FRMD4A: variants seen among roughly 807,000 people sequenced by gnomAD.
FRMD4A encodes FERM domain-containing protein 4A.
A neutral mutation model predicts 129.1 loss-of-function variants in FRMD4A; 29 were observed. The observed-to-expected ratio is 0.22, with a 90% CI of 0.17 to 0.31. FRMD4A has a LOEUF of 0.31. FRMD4A is among the 10% of genes least tolerant of loss of function. The probability of loss-of-function intolerance (pLI) is 1.00; values close to 1 mark genes in which losing one functional copy is unlikely to be tolerated. For synonymous variants in FRMD4A, 634 were observed against 571.6 expected (o/e 1.11, Z -1.56); for missense variants, 1,272 against 1,375.8 (o/e 0.92, Z 1.19).
chr10:13,910,012 AGC>A (rs2094925232), intron 2 of FRMD4A, among the ~76,000 whole-genome samples: 1 of 152,274 alleles, frequency 6.6e-6, no homozygotes, highest in Admixed American at 6.5e-5. Flanking sequence ...ATTCTTGGAC[AGC>A]CATGAAATAT....
chr10:14,228,697 G>A (rs1380143924), intron 2 of FRMD4A, among the ~76,000 whole-genome samples: 1 of 151,804 alleles, frequency 6.6e-6, no homozygotes, highest in Admixed American at 6.6e-5. Context: ...CACGCATCTG[G>A]AGTAATTGAG....
At chr10:13,889,011 T>C (rs191697975) in intron 2 of FRMD4A, among the ~76,000 whole-genome samples, 61 of 152,360 alleles carry the variant, frequency 4.0e-4, no homozygotes, top group Admixed American at 8.5e-4. Context: ...GGTAAGTATA[T>C]GGCTTGCTGG....
chr10:14,158,285 T>G (rs1840700465), intron 2 of FRMD4A, among the ~76,000 whole-genome samples: 1 of 152,156 alleles, frequency 6.6e-6, no homozygotes, highest in South Asian at 2.1e-4. Flanking sequence ...ATGAGAAACT[T>G]GGCTAGGAGA....
intron 4 of FRMD4A, 78 bp from the exon 5 acceptor site, chr10:13,796,666 C>T (rs2093125742): frequency 7.9e-6 from 6 of 759,404 alleles, no homozygotes; most frequent in Non-Finnish European, 9.6e-6. Context: ...ATATATGAAG[C>T]AGAACGTGCT....
At chr10:14,183,136 CTGA>C (rs776937959) in intron 2 of FRMD4A, among the ~76,000 whole-genome samples, 1 of 152,170 alleles carries the variant, frequency 6.6e-6, no homozygotes, top group Non-Finnish European at 1.5e-5. Context: ...TTACAGAGTG[CTGA>C]TAAGTGATCT....
chr10:13,844,545 A>G (rs751386582), intron 3 of FRMD4A, among the ~76,000 whole-genome samples: 2 of 152,192 alleles, frequency 1.3e-5, no homozygotes, highest in Non-Finnish European at 2.9e-5. Context: ...ACTTTATTGT[A>G]GTAACATATC....
At chr10:14,062,267 G>A (rs1032923085) in intron 2 of FRMD4A, among the ~76,000 whole-genome samples, 2 of 152,156 alleles carry the variant, frequency 1.3e-5, no homozygotes, top group Non-Finnish European at 2.9e-5. Context: ...ATCGTTTAGG[G>A]GGAAAAAGAA....
chr10:13,916,641 T>C (rs1456347168), intron 2 of FRMD4A, among the ~76,000 whole-genome samples: 1 of 152,184 alleles, frequency 6.6e-6, no homozygotes, highest in Non-Finnish European at 1.5e-5. Flanking sequence ...AGAGCTAGAA[T>C]TCAAATCTCT....
intron 12 of FRMD4A, among the ~76,000 whole-genome samples, chr10:13,720,872 C>T (rs36084264): frequency 0.17 from 25,231 of 152,054 alleles, 2,680 homozygotes; most frequent in Non-Finnish European, 0.22. Context: ...CATCAAAGGA[C>T]GATAGAATAT....
At chr10:13,829,383 G>A (rs1307640190) in intron 3 of FRMD4A, among the ~76,000 whole-genome samples, 1 of 151,992 alleles carries the variant, frequency 6.6e-6, no homozygotes, top group Non-Finnish European at 1.5e-5. Flanking sequence ...AAATTAGCTG[G>A]GTGTGGTGCC....
intron 2 of FRMD4A, among the ~76,000 whole-genome samples, chr10:14,255,733 C>A (rs1006082862): frequency 6.6e-6 from 1 of 152,022 alleles, no homozygotes; most frequent in African/African-American, 2.4e-5. Flanking sequence ...CCAGGCTGGG[C>A]GGTGGCTCAT....
At chr10:14,247,913 G>C (rs531053026) in intron 2 of FRMD4A, among the ~76,000 whole-genome samples, 1 of 144,214 alleles carries the variant, frequency 6.9e-6, no homozygotes, top group South Asian at 2.6e-4. Context: ...CAGCATTTTC[G>C]TAAGTTAAAA....
intron 2 of FRMD4A, among the ~76,000 whole-genome samples, chr10:14,258,703 A>C (rs1239614528): frequency 2.0e-5 from 3 of 152,220 alleles, no homozygotes; most frequent in African/African-American, 7.2e-5. Context: ...TGTTCACACA[A>C]AGACTTGAGC....
chr10:14,173,934 G>T (rs1236572624), intron 2 of FRMD4A, among the ~76,000 whole-genome samples: 1 of 151,906 alleles, frequency 6.6e-6, no homozygotes, highest in Non-Finnish European at 1.5e-5. Context: ...CAAAAGCTCC[G>T]TGAGCCTCCT....
At chr10:14,106,924 C>T (rs1381301571) in intron 2 of FRMD4A, among the ~76,000 whole-genome samples, 1 of 152,154 alleles carries the variant, frequency 6.6e-6, no homozygotes, top group Admixed American at 6.5e-5. Context: ...GCACTATTTA[C>T]AACAGCAAAG....
intron 2 of FRMD4A, among the ~76,000 whole-genome samples, chr10:14,268,929 A>G (rs184132755): frequency 6.6e-6 from 1 of 152,388 alleles, no homozygotes; most frequent in Admixed American, 6.5e-5. Context: ...TAAAGCAACA[A>G]TTGGGTAATG....
chr10:13,658,246 A>G (rs1381703243), intron 21 of FRMD4A, among the ~76,000 whole-genome samples: 1 of 152,152 alleles, frequency 6.6e-6, no homozygotes, highest in Non-Finnish European at 1.5e-5. Context: ...ACCAAATACT[A>G]TTACATGATC....
intron 2 of FRMD4A, among the ~76,000 whole-genome samples, chr10:13,959,289 T>A (rs1376383607): frequency 6.6e-6 from 1 of 152,000 alleles, no homozygotes; most frequent in East Asian, 1.9e-4. Context: ...CTGACCAATA[T>A]GGTGAAACCC....
At chr10:14,073,490 T>C (rs1173809942) in intron 2 of FRMD4A, among the ~76,000 whole-genome samples, 16 of 152,174 alleles carry the variant, frequency 1.1e-4, no homozygotes. Context: ...TGGATAAATC[T>C]AGACACCAAG....
Sources: gnomAD v4.1 joint callset for allele counts (sites outside exome capture counted in the v4.1 genomes callset) on GRCh38, gnomAD v4.1.1 for gene constraint, MANE v1.5 for transcripts, NCBI Gene and HGNC (gene_info 2026-07-23, HGNC 2026-07-21) for gene names.